Variants in THOC1 observed in about 807,000 individuals in gnomAD.
The protein encoded by THOC1 is THO complex 1.
A neutral mutation model predicts 97.3 loss-of-function variants in THOC1; 29 were observed. The ratio of observed to expected loss-of-function variants is 0.30; its 90% CI spans 0.22 to 0.41. The LOEUF is 0.41. Ranked by LOEUF, THOC1 falls within the 10% of genes least tolerant of loss-of-function variation. The probability of loss-of-function intolerance (pLI) is 1.00; values close to 1 mark genes in which losing one functional copy is unlikely to be tolerated. For synonymous variants in THOC1, 255 were observed against 257.0 expected, an observed-to-expected ratio of 0.99 and a Z score of 0.07; for missense variants, 529 against 761.9, an observed-to-expected ratio of 0.69 and a Z score of 3.60.
At chr18:216,310 C>T (rs767836782) in intron 19 of THOC1, 176 bp downstream of exon 19, 8 of 702,648 alleles carry the variant, frequency 1.1e-5, no homozygotes, top group Non-Finnish European at 1.9e-5. Flanking sequence ...TCTTTATCAA[C>T]TCATGTATTT....
chr18:221,455 T>A (rs1911074179), intron 17 of THOC1, among the ~76,000 whole-genome samples: 1 of 152,146 alleles, frequency 6.6e-6, no homozygotes, highest in African/African-American at 2.4e-5. Context: ...TTGCCTTTAT[T>A]TTTAATAATG....
At chr18:219,070 G>A (rs1391773807) in intron 17 of THOC1, 101 bp from the exon 18 acceptor site, 1 of 335,070 alleles carries the variant, frequency 3.0e-6, no homozygotes, top group East Asian at 6.2e-5. Context: ...TGTTCCCTGA[G>A]CAGTACAAAA....
In THOC1 at chr18:256,921, G is replaced by A. The variant is rs527270823; in HGVS notation, c.520+2259C>T. Reference sequence around the variant, plus strand: ...CCAACCTTCAGCAACCACCACCCTGGATCAGTCAGCAGCCATCAACATCAA... The same window carrying A: ...CCAACCTTCAGCAACCACCACCCTGAATCAGTCAGCAGCCATCAACATCAA... On this transcript the variant is annotated intron_variant, in intron 7 of 20. Transcript: ENST00000261600. Among the ~76,000 whole-genome samples, 115 of 152,262 alleles carry A rather than the reference G, an allele frequency of 7.6e-4. 1 individual carries two copies. Among genetic ancestry groups the A allele is most frequent in the African/African-American group, 2.5e-3 (102 of 41,562 alleles).
At chr18:225,312 T>C (rs767307192) in intron 13 of THOC1, 25 bp downstream of exon 13, 1 of 1,610,732 alleles carries the variant, frequency 6.2e-7, no homozygotes. Context: ...TTTTCAATCA[T>C]GGGTTTGTTG....
intron 11 of THOC1, among the ~76,000 whole-genome samples, chr18:231,657 A>G (rs1395873505): frequency 6.6e-6 from 1 of 152,208 alleles, no homozygotes; most frequent in East Asian, 1.9e-4. Flanking sequence ...ATATCTGTTA[A>G]AGAAACAGAA....
chr18:265,422 G>A, intron 2 of THOC1, 35 bp downstream of exon 2: 1 of 1,585,742 alleles, frequency 6.3e-7, no homozygotes, highest in South Asian at 1.2e-5. Flanking sequence ...TATAAAGATT[G>A]AGGCAAGTAT....
At chr18:229,627 G>A (rs1002981194) in intron 11 of THOC1, among the ~76,000 whole-genome samples, 1 of 152,220 alleles carries the variant, frequency 6.6e-6, no homozygotes, top group African/African-American at 2.4e-5. Context: ...AGGTTGCAAT[G>A]AGTCCAGACC....
intron 11 of THOC1, among the ~76,000 whole-genome samples, chr18:231,407 A>T (rs1911481221): frequency 6.6e-6 from 1 of 152,226 alleles, no homozygotes; most frequent in Admixed American, 6.5e-5. Context: ...ATTAAAGTGT[A>T]TGAAATCTTC....
intron 10 of THOC1, among the ~76,000 whole-genome samples, chr18:247,238 C>A (rs748720500): frequency 3.9e-5 from 6 of 152,166 alleles, no homozygotes; most frequent in Non-Finnish European, 7.3e-5. Flanking sequence ...CTGAGAACTA[C>A]CTATTTATCT....
intron 7 of THOC1, among the ~76,000 whole-genome samples, chr18:258,162 T>C (rs549636526): frequency 1.2e-4 from 18 of 152,006 alleles, no homozygotes; most frequent in African/African-American, 3.9e-4. Context: ...ATCTGACTTG[T>C]CAATAGAAAA....
At chr18:241,674 G>A (rs888701531) in intron 11 of THOC1, among the ~76,000 whole-genome samples, 1 of 152,188 alleles carries the variant, frequency 6.6e-6, no homozygotes, top group African/African-American at 2.4e-5. Context: ...ACTCTTTTCT[G>A]TGAGAACTTA....
rs1311032627 is a variant in THOC1, at chr18:224,128, C to G, written c.1260G>C (p.Glu420Asp). ...TRIIRKRTAPEDFLGKGPTKK... is the reference protein window; with the variant it reads ...TRIIRKRTAPDDFLGKGPTKK... ...TGGTGGGTCCTTTCCCTAGGAAGTC[C>G]TCGGGTGCTGTTCTCTTCCGAATTA... Residue 420 changes from glutamate (E) to aspartate (D), a missense_variant, in exon 16 of 21, where the codon GAG (glutamate) becomes GAC (aspartate). Around this residue, in one of 8 missense-constraint regions of THOC1, gnomAD observed 123 missense variants for 159.0 expected, o/e 0.77. Transcript: ENST00000261600. 6.2e-7 allele frequency: 1 copy of G among 1,611,588 alleles called. No individual in the cohort carries two copies. The highest frequency in any genetic ancestry group is 2.2e-5 in the East Asian group (1 of 44,850).
At chr18:259,307 A>G (rs781443163) in intron 6 of THOC1, 32 bp from the exon 7 acceptor site, 69 of 1,519,380 alleles carry the variant, frequency 4.5e-5, no homozygotes, top group Admixed American at 1.5e-4. Context: ...CGTTACACAG[A>G]AAAGATAATT....
intron 11 of THOC1, 66 bp downstream of exon 11, chr18:246,258 G>C: frequency 8.2e-7 from 1 of 1,220,990 alleles, no homozygotes; most frequent in Non-Finnish European, 1.1e-6. Flanking sequence ...TAGAAAGGCT[G>C]TCAGCTAAAC....
At position 214,592 on chromosome 18, in the gene THOC1, A is replaced by G. The variant is rs1429916108; in HGVS notation, c.*34T>C. The G allele has an allele frequency of 5.8e-6, 9 of 1,547,622 alleles. No individual in the cohort carries two copies. Among genetic ancestry groups the G allele is most frequent in the East Asian group, 4.5e-5 (2 of 44,414 alleles). On this transcript the variant is annotated 3_prime_UTR_variant, in exon 21 of 21. Transcript: ENST00000261600. ...CAAATGCTGCTTGGTAACAAAATCT[A>G]TCACAGTTTTAATAAAAAGAAAAAA...
chr18:266,207 C>T (rs1912761559), intron 1 of THOC1, among the ~76,000 whole-genome samples: 1 of 152,242 alleles, frequency 6.6e-6, no homozygotes, highest in South Asian at 2.1e-4. Flanking sequence ...TGAACACTCA[C>T]ATACACTTAG....
At position 218,985 on chromosome 18, in the gene THOC1, A is replaced by G. The variant is rs753085517; in HGVS notation, c.1371-16T>C. The stretch of plus-strand genomic sequence containing the variant: ...CATGTGTTCCCTGAGCGGTACAAAA[A>G]TAACCAGTGAGGATGGCATATATTC... On this transcript the variant is annotated splice_polypyrimidine_tract_variant and intron_variant, in intron 17 of 20. Coordinates refer to ENST00000261600, the MANE Select transcript of THOC1 (RefSeq NM_005131.3). 6.4e-7 allele frequency: 1 copy of G among 1,557,132 alleles called. No individual in the cohort carries two copies. Among genetic ancestry groups the G allele is most frequent in the East Asian group, 2.3e-5 (1 of 43,496 alleles).
chr18:256,881 A>AT (rs1253311104), intron 7 of THOC1, among the ~76,000 whole-genome samples: 179 of 152,272 alleles, frequency 1.2e-3, no homozygotes, highest in African/African-American at 3.8e-3. Context: ...TTTGAAGAAA[A>AT]TTGTCATAGC....
intron 6 of THOC1, 107 bp downstream of exon 6, chr18:259,575 T>C: frequency 1.2e-6 from 1 of 856,912 alleles, no homozygotes; most frequent in South Asian, 1.7e-5. Flanking sequence ...AAAATGCAGA[T>C]ACCTAATCTA....
Sources: gnomAD v4.1 joint callset for allele counts (sites outside exome capture counted in the v4.1 genomes callset) on GRCh38, gnomAD v4.1.1 for gene constraint, gnomAD v4.1.1 regional missense constraint, MANE v1.5 for transcripts, NCBI Gene and HGNC (gene_info 2026-07-23, HGNC 2026-07-21) for gene names.